Variants in SIPA1L1 observed in about 807,000 individuals in gnomAD.
SIPA1L1 encodes signal-induced proliferation-associated 1-like protein 1.
Under a neutral mutation model 162.7 loss-of-function variants are expected in SIPA1L1, and 26 were observed. The observed-to-expected ratio is 0.16, with a 90% CI of 0.12 to 0.22. The LOEUF (loss-of-function observed/expected upper bound fraction) is 0.22, where lower values mean the gene tolerates loss of function less well. Ranked by LOEUF, SIPA1L1 falls within the 10% of genes least tolerant of loss-of-function variation. SIPA1L1 has a pLI of 1.00. For missense variants in SIPA1L1, 1,874 were observed against 2,241.0 expected (o/e 0.84, Z 3.31); for synonymous variants, 829 against 837.4 (o/e 0.99, Z 0.17).
chr14:71,512,684 G>A (rs1320781244), intron 2 of SIPA1L1, 59 bp from the exon 3 acceptor site: 2 of 135,166 alleles, frequency 1.5e-5, no homozygotes, highest in Non-Finnish European at 3.2e-5. Flanking sequence ...GGGGTTGGGA[G>A]GGGGGTGGGA....
At chr14:71,553,379 A>G (rs1236105950) in intron 4 of SIPA1L1, among the ~76,000 whole-genome samples, 2 of 152,226 alleles carry the variant, frequency 1.3e-5, no homozygotes, top group African/African-American at 2.4e-5. Flanking sequence ...GCCTGCTCCC[A>G]TCACCATGGA....
At chr14:71,640,849 T>C (rs2041639847) in intron 7 of SIPA1L1, among the ~76,000 whole-genome samples, 1 of 152,176 alleles carries the variant, frequency 6.6e-6, no homozygotes, top group Non-Finnish European at 1.5e-5. Flanking sequence ...GGTCTCGAAC[T>C]CCTGACCTCA....
At chr14:71,699,223 T>A in intron 14 of SIPA1L1, 96 bp downstream of exon 14, 1 of 1,177,658 alleles carries the variant, frequency 8.5e-7, no homozygotes, top group Non-Finnish European at 1.2e-6. Flanking sequence ...TCAGCCAGCC[T>A]TGATCAATTT....
At chr14:71,637,900 C>T (rs965000958) in intron 7 of SIPA1L1, among the ~76,000 whole-genome samples, 5 of 152,074 alleles carry the variant, frequency 3.3e-5, no homozygotes, top group East Asian at 1.9e-4. Context: ...TTACCACCAA[C>T]GCCCCCAATA....
At chr14:71,710,401 G>A (rs1434383504) in intron 17 of SIPA1L1, among the ~76,000 whole-genome samples, 1 of 152,204 alleles carries the variant, frequency 6.6e-6, no homozygotes. Flanking sequence ...TTTTAGGCCT[G>A]TTGATCTCTG....
At chr14:71,409,500 C>T (rs1294799027) in intron 2 of SIPA1L1, among the ~76,000 whole-genome samples, 1 of 152,128 alleles carries the variant, frequency 6.6e-6, no homozygotes, top group African/African-American at 2.4e-5. Flanking sequence ...AGATTTACTA[C>T]TCTTACAGGG....
chr14:71,499,734 TG>T (rs1191022993), intron 2 of SIPA1L1, among the ~76,000 whole-genome samples: 2 of 152,202 alleles, frequency 1.3e-5, no homozygotes, highest in African/African-American at 4.8e-5. Context: ...TAATTTGTTT[TG>T]GGGGGCTTTT....
At chr14:71,369,971 G>A (rs1482303687) in intron 2 of SIPA1L1, among the ~76,000 whole-genome samples, 7 of 122,194 alleles carry the variant, frequency 5.7e-5, no homozygotes, top group Admixed American at 5.5e-4. Context: ...TTTGTCTGTT[G>A]TTGGTGTATA....
chr14:71,494,844 T>TTA (rs1480923564), intron 2 of SIPA1L1, among the ~76,000 whole-genome samples: 1 of 152,126 alleles, frequency 6.6e-6, no homozygotes, highest in Non-Finnish European at 1.5e-5. Context: ...TTCACCATGT[T>TTA]TAGTCAGGCT....
At chr14:71,337,542 T>G (rs2035221736) in intron 2 of SIPA1L1, among the ~76,000 whole-genome samples, 1 of 152,130 alleles carries the variant, frequency 6.6e-6, no homozygotes, top group Admixed American at 6.5e-5. Context: ...GAACTCCTCT[T>G]TATAAAACCA....
At chr14:71,607,191 G>T (rs571730783) in intron 5 of SIPA1L1, among the ~76,000 whole-genome samples, 1 of 151,698 alleles carries the variant, frequency 6.6e-6, no homozygotes, top group Admixed American at 6.6e-5. Context: ...AAGGTGAGGG[G>T]CAGAACTTCA....
At chr14:71,458,464 T>G (rs1373396886) in intron 2 of SIPA1L1, among the ~76,000 whole-genome samples, 2 of 152,204 alleles carry the variant, frequency 1.3e-5, no homozygotes, top group African/African-American at 2.4e-5. Flanking sequence ...ATGTTGTTAT[T>G]AACAAATGAA....
intron 2 of SIPA1L1, among the ~76,000 whole-genome samples, chr14:71,345,272 T>G (rs907381145): frequency 2.0e-5 from 3 of 152,172 alleles, no homozygotes; most frequent in Non-Finnish European, 2.9e-5. Context: ...AGATATTTGG[T>G]TCTCCGTGCA....
intron 2 of SIPA1L1, among the ~76,000 whole-genome samples, chr14:71,445,228 T>C (rs904346522): frequency 6.6e-6 from 1 of 152,206 alleles, no homozygotes; most frequent in African/African-American, 2.4e-5. Context: ...AACTTTGTTC[T>C]TTCAAAATTG....
At chr14:71,505,749 T>G (rs980625084) in intron 2 of SIPA1L1, among the ~76,000 whole-genome samples, 1 of 152,184 alleles carries the variant, frequency 6.6e-6, no homozygotes, top group Non-Finnish European at 1.5e-5. Context: ...ATGCCGCACG[T>G]GGAAATTTCC....
chr14:71,560,083 C>T (rs2056665673), intron 4 of SIPA1L1, among the ~76,000 whole-genome samples: 1 of 152,178 alleles, frequency 6.6e-6, no homozygotes, highest in Non-Finnish European at 1.5e-5. Flanking sequence ...TTCGTTTCTT[C>T]ATTCTACTTG....
intron 2 of SIPA1L1, among the ~76,000 whole-genome samples, chr14:71,328,930 C>T (rs1247888461): frequency 3.3e-5 from 5 of 152,172 alleles, no homozygotes; most frequent in Non-Finnish European, 7.3e-5. Context: ...AACATTGGCC[C>T]CCATTTCCAC....
At chr14:71,581,995 A>G (rs1475836843) in intron 4 of SIPA1L1, among the ~76,000 whole-genome samples, 3 of 152,146 alleles carry the variant, frequency 2.0e-5, no homozygotes, top group African/African-American at 7.2e-5. Context: ...AAACATTGAC[A>G]TGTACTTCTG....
intron 17 of SIPA1L1, among the ~76,000 whole-genome samples, chr14:71,714,771 A>G (rs2083139018): frequency 6.6e-6 from 1 of 152,156 alleles, no homozygotes; most frequent in Non-Finnish European, 1.5e-5. Context: ...TTATAGAGAC[A>G]GGGTCTCATC....
Sources: allele counts gnomAD v4.1 joint callset (sites outside exome capture counted in the v4.1 genomes callset), GRCh38; gene constraint gnomAD v4.1.1; transcripts MANE v1.5; gene names NCBI Gene and HGNC (gene_info 2026-07-23, HGNC 2026-07-21).